The following XKR3 variants were observed in gnomAD, a reference collection of about 807,000 sequenced individuals.
XKR3 encodes XK-related protein 3.
XKR3 carries 27 observed loss-of-function variants against 40.3 expected under a neutral mutation model. The observed-to-expected ratio is 0.67, with a 90% CI of 0.49 to 0.92. The LOEUF is 0.92. Among genes scored for constraint, XKR3 ranks in the 40% least tolerant of loss-of-function variants. The pLI is 0.00. For missense variants in XKR3, 472 were observed against 537.6 expected, an observed-to-expected ratio of 0.88 and a Z score of 1.21; for synonymous variants, 193 against 195.4, an observed-to-expected ratio of 0.99 and a Z score of 0.10.
At chr22:16,823,864 G>A (rs917034916) in intron 1 of XKR3, among the ~76,000 whole-genome samples, 3 of 151,590 alleles carry the variant, frequency 2.0e-5, no homozygotes, top group Non-Finnish European at 4.4e-5. Flanking sequence ...TAGAACATTA[G>A]AAATGAGAGA....
intron 1 of XKR3, chr22:16,821,474 G>C (rs1172969118): frequency 6.6e-6 from 1 of 151,982 alleles, no homozygotes; most frequent in Middle Eastern, 3.2e-3. Context: ...TGTACACAAA[G>C]TGAATTTGCT....
At chr22:16,813,214 A>G (rs1601849990) in intron 1 of XKR3, among the ~76,000 whole-genome samples, 1 of 151,582 alleles carries the variant, frequency 6.6e-6, no homozygotes, top group South Asian at 2.1e-4. Flanking sequence ...AACCTGGGAG[A>G]CGGAGCTTGC....
intron 1 of XKR3, among the ~76,000 whole-genome samples, chr22:16,822,759 TTC>T: frequency 6.6e-6 from 1 of 152,362 alleles, no homozygotes; most frequent in East Asian, 1.9e-4. Context: ...GAACCAGACT[TTC>T]TGAGTTACAA....
At chr22:16,805,210 A>C (rs1451427022) in intron 2 of XKR3, among the ~76,000 whole-genome samples, 2 of 152,240 alleles carry the variant, frequency 1.3e-5, no homozygotes, top group African/African-American at 4.8e-5. Flanking sequence ...AAAAAACATT[A>C]AAGCTAGTAA....
chr22:16,806,470 T>TC (rs11381311), intron 2 of XKR3, among the ~76,000 whole-genome samples: 2 of 16,672 alleles, frequency 1.2e-4, no homozygotes, highest in Non-Finnish European at 2.0e-4. Context: ...ATAGTTAAGG[T>TC]TTTTTTTTTT....
chr22:16,794,402 G>C (rs1377947233), intron 3 of XKR3, among the ~76,000 whole-genome samples: 2 of 151,932 alleles, frequency 1.3e-5, no homozygotes, highest in Non-Finnish European at 2.9e-5. Context: ...GCAGAAACCA[G>C]AGACTGGTGG....
In XKR3 at chr22:16,824,698, C is replaced by T. The variant is rs117962139; in HGVS notation, c.-11+593G>A. On this transcript the variant is annotated intron_variant, in intron 1 of 3. Coordinates refer to ENST00000684488, the MANE Select transcript of XKR3 (RefSeq NM_001386955.1). ...ACTCTCTCCCCAGCAATCCATACAT[C>T]GAATATGATATTAATGCAGATTGCA... is the stretch of plus-strand genomic sequence containing the variant. Among the ~76,000 whole-genome samples, 652 of 152,224 alleles carry T rather than the reference C, an allele frequency of 4.3e-3. 34 individuals carry two copies. In the East Asian group the frequency reaches 0.12, roughly 27 times the overall value.
chr22:16,791,777 GGGAGAGAGAGAGA>G, intron 3 of XKR3, among the ~76,000 whole-genome samples: 1 of 73,666 alleles, frequency 1.4e-5, no homozygotes, highest in Non-Finnish European at 2.7e-5. Context: ...GGGAGAGAGA[GGGAGAGAGAGAGA>G]GAGAGAGAGA....
chr22:16,785,552 T>C (rs371230235), intron 3 of XKR3, among the ~76,000 whole-genome samples: 1 of 151,994 alleles, frequency 6.6e-6, no homozygotes, highest in South Asian at 2.1e-4. Context: ...ATTTTACATA[T>C]ACATGCAGGT....
intron 3 of XKR3, among the ~76,000 whole-genome samples, chr22:16,785,191 C>T (rs1190701911): frequency 1.3e-5 from 2 of 152,052 alleles, no homozygotes; most frequent in Non-Finnish European, 2.9e-5. Context: ...GTGGTGGGAG[C>T]TTGTAGTCCC....
chr22:16,807,047 C>T (rs1183828501), intron 2 of XKR3, among the ~76,000 whole-genome samples: 4 of 152,050 alleles, frequency 2.6e-5, no homozygotes, highest in Non-Finnish European at 4.4e-5. Context: ...CTCTGAAATT[C>T]ACACAGAAAA....
chr22:16,790,410 G>T (rs2060110324), intron 3 of XKR3, among the ~76,000 whole-genome samples: 1 of 149,570 alleles, frequency 6.7e-6, no homozygotes, highest in Non-Finnish European at 1.5e-5. Flanking sequence ...TCAGACAAGG[G>T]GTTAATTAAA....
At chr22:16,810,883 CA>C (rs1569042267) in intron 1 of XKR3, among the ~76,000 whole-genome samples, 2 of 152,144 alleles carry the variant, frequency 1.3e-5, no homozygotes, top group Non-Finnish European at 1.5e-5. Flanking sequence ...CTTGCCATTT[CA>C]AAAAATTTGC....
chr22:16,812,261 T>C (rs2060216070), intron 1 of XKR3, among the ~76,000 whole-genome samples: 1 of 152,230 alleles, frequency 6.6e-6, no homozygotes. Context: ...TCAGTACTTT[T>C]GTTTGTGTGT....
In XKR3 at chr22:16,786,372, T is replaced by C. The variant is rs1365269463; in HGVS notation, c.590-1963A>G. Among the ~76,000 whole-genome samples the C allele has an allele frequency of 1.1e-4, 17 of 152,138 alleles. 1 individual carries two copies. Among genetic ancestry groups the C allele is most frequent in the East Asian group, 7.7e-4 (4 of 5,172 alleles). On this transcript the variant is annotated intron_variant, in intron 3 of 3. Coordinates refer to ENST00000684488, the MANE Select transcript of XKR3 (RefSeq NM_001386955.1). ...ATTGCTTGAGCCCAGGAAGAAAACATAGGACTTTCACTTGGGTCTTTATTT... is the reference window on the plus strand; with the variant it reads ...ATTGCTTGAGCCCAGGAAGAAAACACAGGACTTTCACTTGGGTCTTTATTT...
intron 2 of XKR3, among the ~76,000 whole-genome samples, chr22:16,805,792 C>T (rs1232117304): frequency 1.3e-5 from 2 of 152,008 alleles, no homozygotes; most frequent in African/African-American, 4.8e-5. Flanking sequence ...TCATATTTAC[C>T]GTCAGCTGAT....
rs528071823 is a variant in XKR3, at chr22:16,799,413, C to CA, written c.589+357dup. On this transcript the variant is annotated intron_variant, in intron 3 of 3. Transcript: ENST00000684488. The stretch of plus-strand genomic sequence containing the variant: ...TGGGCGACAAAGTGAGACTATGTCT[C>CA]AAAAAAAAAAAAAAAAAAAAAGCAA... Among the ~76,000 whole-genome samples, 190 of 32,522 alleles carry CA rather than the reference C, an allele frequency of 5.8e-3. 21 individuals are homozygous for CA. Among genetic ancestry groups the CA allele is most frequent in the Middle Eastern group, 0.023 (1 of 44 alleles). 21.3% of individuals were successfully genotyped at this position (32,522 alleles called of 152,430 possible). A position where few individuals can be genotyped will look rare whatever the true frequency, so the allele number is the denominator to read the frequency against.
rs35013347 is a variant in XKR3 at position 16,806,469 on chromosome 22, G to GTTT, written c.335+1267_335+1269dup. Among the ~76,000 whole-genome samples the GTTT allele has an allele frequency of 2.3e-3, 302 of 129,340 alleles. 3 individuals are homozygous for GTTT. The highest frequency in any genetic ancestry group is 4.2e-3 in the Middle Eastern group (1 of 240). The allele number at this position is 129,340 out of a possible 152,430, so 84.9% of individuals were successfully genotyped here. On this transcript the variant is annotated intron_variant, in intron 2 of 3. Transcript: ENST00000684488. ...CATTTTGTGATGGAATATAGTTAAG[G>GTTT]TTTTTTTTTTTTTTTTTTGACAGAG...
At chr22:16,797,620 G>A (rs1229660924) in intron 3 of XKR3, among the ~76,000 whole-genome samples, 3 of 151,382 alleles carry the variant, frequency 2.0e-5, no homozygotes, top group East Asian at 2.0e-4. Flanking sequence ...GTGAAACCCC[G>A]TCTCTACTAA....
Sources: allele counts gnomAD v4.1 joint callset (sites outside exome capture counted in the v4.1 genomes callset), GRCh38; gene constraint gnomAD v4.1.1; transcripts MANE v1.5; gene names NCBI Gene and HGNC (gene_info 2026-07-23, HGNC 2026-07-21).